The following NUP62CL variants were observed in gnomAD, a reference collection of about 807,000 sequenced individuals.
NUP62CL encodes the protein nucleoporin-62 C-terminal-like protein.
Under a neutral mutation model 15.3 loss-of-function variants are expected in NUP62CL, and 13 were observed. That is an observed-to-expected ratio of 0.85 (90% confidence interval 0.55 to 1.35). The LOEUF (loss-of-function observed/expected upper bound fraction) is 1.35. Ranked by LOEUF, NUP62CL falls within the 40% of genes most tolerant of loss-of-function variation. The pLI is 0.00. For missense variants in NUP62CL, 123 were observed against 130.6 expected (o/e 0.94, Z 0.28); for synonymous variants, 54 against 49.2 (o/e 1.10, Z -0.41).
intron 4 of NUP62CL, among the ~76,000 whole-genome samples, chrX:107,154,580 G>C (rs899098668): frequency 9.0e-6 from 1 of 111,643 alleles, no homozygotes; most frequent in African/African-American, 3.3e-5. Flanking sequence ...TTCTGGGTAG[G>C]CATAGCTAAG....
intron 7 of NUP62CL, 80 bp from the exon 8 acceptor site, chrX:107,147,889 G>A: frequency 1.3e-6 from 1 of 776,456 alleles, no homozygotes. Flanking sequence ...ATTGACATTA[G>A]GAAGTGACTT....
intron 1 of NUP62CL, among the ~76,000 whole-genome samples, chrX:107,198,303 T>G (rs1402206896): frequency 8.9e-6 from 1 of 111,765 alleles, no homozygotes; most frequent in Non-Finnish European, 1.9e-5. Context: ...CTCTGTAAAA[T>G]GGACCCATCA....
At chrX:107,172,171 A>AAAAAAAAAAT (rs1359357290) in intron 3 of NUP62CL, among the ~76,000 whole-genome samples, 1 of 108,332 alleles carries the variant, frequency 9.2e-6, no homozygotes, top group South Asian at 4.2e-4. Flanking sequence ...TAAAAAAAAA[A>AAAAAAAAAAT]AAAAAAAAAT....
intron 4 of NUP62CL, 98 bp downstream of exon 4, chrX:107,167,551 G>T: frequency 6.6e-6 from 4 of 607,177 alleles, no homozygotes; most frequent in Non-Finnish European, 9.8e-6. Flanking sequence ...CAGTCATTTA[G>T]CTAACTTTCA....
intron 3 of NUP62CL, among the ~76,000 whole-genome samples, chrX:107,172,403 G>A (rs1185853605): frequency 2.7e-5 from 3 of 111,536 alleles, no homozygotes; most frequent in Non-Finnish European, 5.6e-5. Context: ...TTGACTTTTA[G>A]TTTAAGCCAG....
chrX:107,155,387 C>T (rs1426381668), intron 4 of NUP62CL, among the ~76,000 whole-genome samples: 1 of 112,535 alleles, frequency 8.9e-6, no homozygotes, highest in Non-Finnish European at 1.9e-5. Context: ...AGCAACTAAG[C>T]AGTGTGAGTC....
chrX:107,188,310 C>T (rs933231556), intron 2 of NUP62CL, among the ~76,000 whole-genome samples: 1 of 111,571 alleles, frequency 9.0e-6, no homozygotes, highest in Non-Finnish European at 1.9e-5. Flanking sequence ...TATTTAGGGC[C>T]AGTTGATGTA....
At chrX:107,138,301 A>C (rs1925688488) in intron 8 of NUP62CL, among the ~76,000 whole-genome samples, 1 of 111,718 alleles carries the variant, frequency 9.0e-6, no homozygotes, top group African/African-American at 3.3e-5. Context: ...CCATAAAATA[A>C]AACTGATCAA....
At chrX:107,126,793 G>C (rs766964623) in intron 8 of NUP62CL, among the ~76,000 whole-genome samples, 2 of 112,284 alleles carry the variant, frequency 1.8e-5, no homozygotes, top group East Asian at 2.8e-4. Context: ...CAGCACTTTG[G>C]GGGGCCGAGG....
At chrX:107,181,193 G>A (rs1428755527) in intron 2 of NUP62CL, among the ~76,000 whole-genome samples, 4 of 110,126 alleles carry the variant, frequency 3.6e-5, no homozygotes, top group Admixed American at 9.7e-5. Context: ...TGGGATTACA[G>A]GCATGAGCCA....
intron 4 of NUP62CL, among the ~76,000 whole-genome samples, chrX:107,154,537 C>A (rs781585342): frequency 8.9e-6 from 1 of 111,885 alleles, no homozygotes; most frequent in East Asian, 2.8e-4. Context: ...CCTTCTCTTC[C>A]CCTCATCCCA....
At chrX:107,133,003 G>A (rs1168956273) in intron 8 of NUP62CL, among the ~76,000 whole-genome samples, 1 of 111,489 alleles carries the variant, frequency 9.0e-6, no homozygotes, top group East Asian at 2.8e-4. Flanking sequence ...GGAGTTTTTG[G>A]GGTTGGGGGC....
Position 107,154,148 on chromosome X carries a change from T to A in NUP62CL, c.293A>T (p.Gln98Leu). The change falls in exon 5 of 9, where the codon CAG becomes CTG. Residue 98 changes from glutamine (Q) to leucine (L), a missense_variant. Transcript: ENST00000372466. Reference sequence around the variant, plus strand: ...GTCCCAAGCATTGACCTGAGTGGCCTGGAGAAGAAAGTACTTCTCTTGATC... The same window carrying A: ...GTCCCAAGCATTGACCTGAGTGGCCAGGAGAAGAAAGTACTTCTCTTGATC... ...LEDQEKYFLLQATQVNAWDHT... is the reference protein window; with the variant it reads ...LEDQEKYFLLLATQVNAWDHT... 8.3e-7 allele frequency: 1 copy of A among 1,207,706 alleles called. No individual in the cohort carries two copies. The highest frequency in any genetic ancestry group is 1.1e-6 in the Non-Finnish European group (1 of 892,109).
intron 8 of NUP62CL, among the ~76,000 whole-genome samples, chrX:107,144,598 A>C (rs1925845673): frequency 8.9e-6 from 1 of 111,756 alleles, no homozygotes; most frequent in Admixed American, 9.5e-5. Context: ...ACCTTCCTCA[A>C]CTCTACCCGA....
rs1409431244 is a variant in NUP62CL, at chrX:107,149,797, C to G, written c.531-1988G>C. ...ACTGATAGAAAGCACAATGGGAACT[C>G]CCACAATGGGAGATCCCTCTTACTA... On this transcript the variant is annotated intron_variant, in intron 7 of 8. Coordinates refer to ENST00000372466, the MANE Select transcript of NUP62CL (RefSeq NM_017681.3). Among the ~76,000 whole-genome samples the G allele has an allele frequency of 2.7e-5, 3 of 111,578 alleles. No individual in the cohort carries two copies. In the Admixed American group the frequency reaches 2.9e-4, roughly 11 times the overall value.
chrX:107,132,714 G>A (rs374321994), intron 8 of NUP62CL, among the ~76,000 whole-genome samples: 7 of 112,189 alleles, frequency 6.2e-5, no homozygotes, highest in East Asian at 2.8e-4. Context: ...AGCTGCGTTT[G>A]CGCCTCTGTA....
At chrX:107,185,975 G>C (rs1307427893) in intron 2 of NUP62CL, among the ~76,000 whole-genome samples, 4 of 111,488 alleles carry the variant, frequency 3.6e-5, no homozygotes, top group African/African-American at 1.3e-4. Flanking sequence ...AATTACCATA[G>C]ACAGAGGAGG....
intron 4 of NUP62CL, among the ~76,000 whole-genome samples, chrX:107,164,335 TCA>T (rs1926457973): frequency 9.0e-6 from 1 of 111,446 alleles, no homozygotes; most frequent in South Asian, 3.8e-4. Context: ...AATATGTAGG[TCA>T]CAGTTAAGGA....
intron 8 of NUP62CL, among the ~76,000 whole-genome samples, chrX:107,137,673 C>T (rs1204472768): frequency 3.6e-5 from 4 of 111,640 alleles, no homozygotes; most frequent in African/African-American, 1.3e-4. Flanking sequence ...AAAACCAAAA[C>T]ATGTATGTGA....
Sources: gnomAD v4.1 joint callset for allele counts (sites outside exome capture counted in the v4.1 genomes callset) on GRCh38, gnomAD v4.1.1 for gene constraint, MANE v1.5 for transcripts, NCBI Gene and HGNC (gene_info 2026-07-23, HGNC 2026-07-21) for gene names.